PRCC: variants seen among roughly 807,000 people sequenced by gnomAD.
PRCC encodes the protein proline rich mitotic checkpoint control factor, also known as proline-rich protein PRCC.
PRCC carries 10 observed loss-of-function variants against 44.0 expected under a neutral mutation model. That is an observed-to-expected ratio of 0.23 (90% CI 0.14 to 0.39). PRCC has a LOEUF of 0.39. PRCC is among the 10% of genes least tolerant of loss of function. The pLI, the probability that PRCC is intolerant of heterozygous loss-of-function variation, is 1.00. For missense variants in PRCC, 573 were observed against 624.7 expected (o/e 0.92, Z 0.88); for synonymous variants, 278 against 259.5 (o/e 1.07, Z -0.69).
intron 3 of PRCC, chr1:156,791,117 C>T: frequency 7.0e-7 from 1 of 1,418,986 alleles, no homozygotes; most frequent in South Asian, 1.1e-5. Context: ...TCATGAGATT[C>T]CTGAACTCAA....
intron 1 of PRCC, among the ~76,000 whole-genome samples, chr1:156,781,489 G>T (rs1254489926): frequency 6.6e-6 from 1 of 152,192 alleles, no homozygotes; most frequent in Non-Finnish European, 1.5e-5. Context: ...ATAATTTTTT[G>T]AAATAAAAAT....
chr1:156,767,567 G>A lies in PRCC; in HGVS notation c.-205G>A. On this transcript the variant is annotated 5_prime_UTR_variant, in exon 1 of 7. Transcript: ENST00000271526. The stretch of plus-strand genomic sequence containing the variant: ...AGCTGTGTGTAGTTGCCCGGGACTA[G>A]GAGCTTAAGTGAAGAGGTACGCCTT... 1 of 594,372 alleles carries A rather than the reference G, an allele frequency of 1.7e-6. No individual in the cohort carries two copies. Among genetic ancestry groups the A allele is most frequent in the Non-Finnish European group, 2.9e-6 (1 of 339,704 alleles). The allele number at this position is 594,372 out of a possible 1,614,324, so 36.8% of individuals were successfully genotyped here.
chr1:156,773,023 A>G (rs552250048), intron 1 of PRCC, among the ~76,000 whole-genome samples: 6 of 152,310 alleles, frequency 3.9e-5, no homozygotes, highest in African/African-American at 9.6e-5. Flanking sequence ...GCAGAAAGCA[A>G]TACAAATGAG....
chr1:156,784,673 T>C (rs3765787), intron 2 of PRCC, among the ~76,000 whole-genome samples: 113,299 of 152,080 alleles, frequency 0.74, 42,410 homozygotes, highest in East Asian at 0.89. Context: ...TCTGTGTGGC[T>C]TGACTCAAAT....
intron 1 of PRCC, among the ~76,000 whole-genome samples, chr1:156,770,806 C>T (rs1651604934): frequency 6.6e-6 from 1 of 152,158 alleles, no homozygotes; most frequent in African/African-American, 2.4e-5. Context: ...AATAATTTCC[C>T]TTTAGAGTTT....
intron 4 of PRCC, among the ~76,000 whole-genome samples, chr1:156,794,140 A>G (rs1652581917): frequency 1.3e-5 from 2 of 151,444 alleles, no homozygotes; most frequent in African/African-American, 4.9e-5. Flanking sequence ...TATTTTTAGT[A>G]GAGGTGAGGT....
At chr1:156,779,528 T>C (rs1571579535) in intron 1 of PRCC, among the ~76,000 whole-genome samples, 1 of 8,724 alleles carries the variant, frequency 1.1e-4, no homozygotes, top group East Asian at 0.016. Flanking sequence ...CCCGCCATCA[T>C]GCCCAGCTTT....
chr1:156,800,295 G>A, intron 6 of PRCC, 79 bp from the exon 7 acceptor site: 2 of 1,332,714 alleles, frequency 1.5e-6, no homozygotes, highest in Middle Eastern at 1.8e-4. Flanking sequence ...ATTTTAAATT[G>A]GGAAGCTCAC....
intron 2 of PRCC, 127 bp from the exon 3 acceptor site, chr1:156,786,481 A>C: frequency 1.0e-6 from 1 of 991,366 alleles, no homozygotes; most frequent in Non-Finnish European, 1.5e-6. Context: ...GGAGGTAAGG[A>C]AGAAACAAGG....
At chr1:156,773,210 T>A (rs1378042157) in intron 1 of PRCC, among the ~76,000 whole-genome samples, 1 of 152,164 alleles carries the variant, frequency 6.6e-6, no homozygotes, top group East Asian at 1.9e-4. Flanking sequence ...CCTCCTTGGC[T>A]TTTAGTCCTG....
intron 6 of PRCC, among the ~76,000 whole-genome samples, chr1:156,799,469 AG>A: frequency 6.6e-6 from 1 of 152,352 alleles, no homozygotes; most frequent in South Asian, 2.1e-4. Context: ...ATGGTGTCAA[AG>A]ATACAGACAT....
intron 1 of PRCC, 91 bp downstream of exon 1, chr1:156,768,330 C>A: frequency 7.7e-7 from 1 of 1,302,126 alleles, no homozygotes; most frequent in Non-Finnish European, 1.1e-6. Context: ...CTCCTTCCTA[C>A]AAACGCATCC....
Position 156,767,960 on chromosome 1 carries a change from C to T in PRCC, c.189C>T (p.Pro63=), listed in dbSNP as rs376603422. The T allele has an allele frequency of 8.2e-6, 13 of 1,586,612 alleles. No homozygotes were observed. In the African/African-American group the frequency reaches 1.2e-4, roughly 15 times the overall value. Reference sequence around the variant, plus strand: ...CTCAGATGCTGGCGCCAGCCTTTCCCCCGCCGCTGTTGCTTCCCCCACCCA... The same window carrying T: ...CTCAGATGCTGGCGCCAGCCTTTCCTCCGCCGCTGTTGCTTCCCCCACCCA... ...PPPQMLAPAF[P]PPLLLPPPTG... is the part of the protein sequence containing the mutation. Residue 63 remains proline, a synonymous_variant, in exon 1 of 7, where the codon CCC becomes CCT. Transcript: ENST00000271526.
intron 2 of PRCC, among the ~76,000 whole-genome samples, chr1:156,783,282 A>G (rs1353021960): frequency 2.0e-5 from 3 of 152,178 alleles, no homozygotes; most frequent in Non-Finnish European, 4.4e-5. Flanking sequence ...TCAACAAGAC[A>G]GTGCTAGTAG....
chr1:156,791,145 TGCTTTGTTCCCA>T, intron 3 of PRCC: 1 of 1,418,960 alleles, frequency 7.0e-7, no homozygotes, highest in Non-Finnish European at 9.5e-7. Context: ...TAAACGAACC[TGCTTTGTTCCCA>T]GCTTTGTAAG....
chr1:156,794,375 G>C (rs754375916), intron 4 of PRCC, among the ~76,000 whole-genome samples: 1 of 152,156 alleles, frequency 6.6e-6, no homozygotes, highest in Non-Finnish European at 1.5e-5. Context: ...CATAGTGGTA[G>C]GCAGATACCG....
In PRCC at chr1:156,767,664, T is replaced by C; in HGVS notation, c.-108T>C. Reference sequence around the variant, plus strand: ...CCTAGAGTACGGAGCAGGCGGACTTTTCGGTTCCCCGCCCCGCCAGGTGGC... The same window carrying C: ...CCTAGAGTACGGAGCAGGCGGACTTCTCGGTTCCCCGCCCCGCCAGGTGGC... On this transcript the variant is annotated 5_prime_UTR_variant, in exon 1 of 7. Coordinates refer to ENST00000271526, the MANE Select transcript of PRCC (RefSeq NM_005973.5). The C allele has an allele frequency of 1.7e-6, 2 of 1,198,222 alleles. No homozygotes were observed. Among genetic ancestry groups the C allele is most frequent in the Non-Finnish European group, 2.3e-6 (2 of 870,834 alleles). The allele number at this position is 1,198,222 out of a possible 1,614,324, so 74.2% of individuals were successfully genotyped here.
At chr1:156,779,764 A>T (rs1005182768) in intron 1 of PRCC, among the ~76,000 whole-genome samples, 1 of 149,914 alleles carries the variant, frequency 6.7e-6, no homozygotes, top group Non-Finnish European at 1.5e-5. Flanking sequence ...TAAATATTAG[A>T]GGTGGGGGGG....
rs767797644 is a variant in PRCC at position 156,786,929 on chromosome 1, C to A, written c.838C>A (p.Pro280Thr). ...AGCCCCCGAAAACTTTTTCTCCCTCCCTGAAAAGGCTGAGCCACCTGGAGT... is the reference window on the plus strand; with the variant it reads ...AGCCCCCGAAAACTTTTTCTCCCTCACTGAAAAGGCTGAGCCACCTGGAGT... ...EVAPENFFSLPEKAEPPGVEP... is the reference protein window; with the variant it reads ...EVAPENFFSLTEKAEPPGVEP... Residue 280 changes from proline to threonine, a missense_variant, in exon 3 of 7, where the codon CCT becomes ACT. By Grantham distance (38) the Pro-to-Thr change is conservative. Around this residue, in one of 4 missense-constraint regions of PRCC, gnomAD observed 141 missense variants for 130.2 expected, o/e 1.08. Transcript: ENST00000271526. The A allele has an allele frequency of 2.5e-6, 4 of 1,614,088 alleles. No individual in the cohort carries two copies. The highest frequency in any genetic ancestry group is 3.4e-6 in the Non-Finnish European group (4 of 1,180,046).
Sources: gnomAD v4.1 joint callset for allele counts (sites outside exome capture counted in the v4.1 genomes callset) on GRCh38, gnomAD v4.1.1 for gene constraint, gnomAD v4.1.1 regional missense constraint, MANE v1.5 for transcripts, NCBI Gene and HGNC (gene_info 2026-07-23, HGNC 2026-07-21) for gene names.